The following CREB5 variants were observed in gnomAD, a reference collection of about 807,000 sequenced individuals.
CREB5 encodes cyclic AMP-responsive element-binding protein 5.
A neutral mutation model predicts 57.1 loss-of-function variants in CREB5; 19 were observed. That is an observed-to-expected ratio of 0.33 (90% confidence interval 0.23 to 0.49). The LOEUF is 0.49. CREB5 is among the 20% of genes least tolerant of loss of function. CREB5 has a pLI of 0.99. For missense variants in CREB5, 579 were observed against 671.6 expected, an observed-to-expected ratio of 0.86 and a Z score of 1.52; for synonymous variants, 238 against 238.3, an observed-to-expected ratio of 1.00 and a Z score of 0.01.
intron 4 of CREB5, among the ~76,000 whole-genome samples, chr7:28,511,003 G>A (rs1314232466): frequency 6.6e-6 from 1 of 151,968 alleles, no homozygotes; most frequent in Non-Finnish European, 1.5e-5. Context: ...CCCACCACAT[G>A]GCAGGCACTG....
intron 5 of CREB5, among the ~76,000 whole-genome samples, chr7:28,651,088 C>T (rs1011662625): frequency 6.6e-6 from 1 of 151,668 alleles, no homozygotes; most frequent in Non-Finnish European, 1.5e-5. Flanking sequence ...TTTGTTTTTA[C>T]TATTTTTTTT....
At chr7:28,627,107 G>C (rs779410579) in intron 5 of CREB5, among the ~76,000 whole-genome samples, 1 of 152,226 alleles carries the variant, frequency 6.6e-6, no homozygotes, top group African/African-American at 2.4e-5. Flanking sequence ...TTCTGCCAGG[G>C]TGTCTGGTTT....
chr7:28,335,871 G>A lies in CREB5; in HGVS notation c.-25+36430G>A, dbSNP rs118001648. On this transcript the variant is annotated intron_variant, in intron 1 of 9. Transcript: ENST00000396299. The stretch of plus-strand genomic sequence containing the variant: ...TATGGCTTTTATTATGTTATGTTCC[G>A]TCTATACCCAGTTTTTTGAAGGTTT... Among the ~76,000 whole-genome samples the A allele has an allele frequency of 3.8e-4, 58 of 151,838 alleles. 1 individual carries two copies. The highest frequency in any genetic ancestry group is 2.3e-3 in the East Asian group (12 of 5,180).
chr7:28,696,220 T>A (rs1801550217), intron 5 of CREB5, among the ~76,000 whole-genome samples: 6 of 151,654 alleles, frequency 4.0e-5, no homozygotes, highest in Admixed American at 3.9e-4. Context: ...TGAAAGGATG[T>A]TTCTAACTAA....
At chr7:28,783,500 T>C (rs1212853643) in intron 7 of CREB5, among the ~76,000 whole-genome samples, 10 of 152,198 alleles carry the variant, frequency 6.6e-5, no homozygotes, top group Admixed American at 6.5e-4. Flanking sequence ...ATAGTCTGAA[T>C]AAAAACAAAA....
At chr7:28,737,538 CGTAT>C (rs1317311195) in intron 7 of CREB5, among the ~76,000 whole-genome samples, 1,199 of 47,796 alleles carry the variant, frequency 0.025, 45 homozygotes, top group South Asian at 0.051. Context: ...TATATATATA[CGTAT>C]ATATATATAT....
At chr7:28,613,949 T>C (rs1797500869) in intron 5 of CREB5, among the ~76,000 whole-genome samples, 1 of 152,130 alleles carries the variant, frequency 6.6e-6, no homozygotes, top group Middle Eastern at 3.2e-3. Flanking sequence ...ATTTCAGTCT[T>C]TACTTATTTA....
At chr7:28,658,793 T>G (rs981035391) in intron 5 of CREB5, among the ~76,000 whole-genome samples, 1 of 151,320 alleles carries the variant, frequency 6.6e-6, no homozygotes, top group Non-Finnish European at 1.5e-5. Flanking sequence ...GCTGCACAAC[T>G]GGTGAAAACC....
intron 1 of CREB5, among the ~76,000 whole-genome samples, chr7:28,308,057 G>A (rs1311296685): frequency 6.6e-6 from 1 of 152,152 alleles, no homozygotes; most frequent in Non-Finnish European, 1.5e-5. Flanking sequence ...CCTGGTGCCT[G>A]GGCATCCTGG....
At chr7:28,574,475 G>A (rs1257652180) in intron 5 of CREB5, among the ~76,000 whole-genome samples, 2 of 152,146 alleles carry the variant, frequency 1.3e-5, no homozygotes, top group Non-Finnish European at 2.9e-5. Flanking sequence ...TGAGTAGATG[G>A]CTATAATCTT....
At chr7:28,752,648 G>A (rs1805051637) in intron 7 of CREB5, among the ~76,000 whole-genome samples, 1 of 152,146 alleles carries the variant, frequency 6.6e-6, no homozygotes, top group Admixed American at 6.5e-5. Flanking sequence ...ATTTTAAATA[G>A]CAATCTCAGT....
At chr7:28,419,274 C>G (rs1023436129) in intron 1 of CREB5, among the ~76,000 whole-genome samples, 33 of 152,236 alleles carry the variant, frequency 2.2e-4, no homozygotes, top group African/African-American at 8.0e-4. Context: ...GCAAGATAGA[C>G]TCTAGCCCTA....
At chr7:28,408,254 G>A (rs1045218876), upstream of CREB5, among the ~76,000 whole-genome samples, 14 of 152,194 alleles carry the variant, frequency 9.2e-5, no homozygotes, top group African/African-American at 3.4e-4. Context: ...TACCCGGGTT[G>A]GTGTGAGAAA....
chr7:28,552,861 T>G (rs1366597464), intron 4 of CREB5, among the ~76,000 whole-genome samples: 2 of 152,204 alleles, frequency 1.3e-5, no homozygotes, highest in Non-Finnish European at 2.9e-5. Context: ...TGGAAATGTT[T>G]CTTACACATT....
intron 1 of CREB5, among the ~76,000 whole-genome samples, chr7:28,386,016 C>T (rs1787093769): frequency 1.3e-5 from 2 of 152,152 alleles, no homozygotes; most frequent in South Asian, 4.2e-4. Context: ...ACTTTCCTCC[C>T]ATCTTACATA....
At chr7:28,763,329 C>A (rs759182990) in intron 7 of CREB5, among the ~76,000 whole-genome samples, 1 of 152,088 alleles carries the variant, frequency 6.6e-6, no homozygotes, top group Non-Finnish European at 1.5e-5. Flanking sequence ...TTTAGGACTG[C>A]CATACCTTCT....
At chr7:28,481,666 G>A (rs562415270) in intron 1 of CREB5, among the ~76,000 whole-genome samples, 7 of 152,274 alleles carry the variant, frequency 4.6e-5, no homozygotes, top group African/African-American at 1.4e-4. Flanking sequence ...ACTGCAGCCC[G>A]CTTCAAGAAT....
chr7:28,702,528 T>C (rs1801913611), intron 5 of CREB5, among the ~76,000 whole-genome samples: 1 of 152,214 alleles, frequency 6.6e-6, no homozygotes, highest in African/African-American at 2.4e-5. Flanking sequence ...TTTCCAACTA[T>C]GTTATGATGT....
At chr7:28,586,303 G>A (rs1234140635) in intron 5 of CREB5, among the ~76,000 whole-genome samples, 4 of 152,204 alleles carry the variant, frequency 2.6e-5, no homozygotes, top group Admixed American at 1.3e-4. Flanking sequence ...GAGGAGAAGG[G>A]GAGGAGGCAG....
Sources: allele counts gnomAD v4.1 joint callset (sites outside exome capture counted in the v4.1 genomes callset), GRCh38; gene constraint gnomAD v4.1.1; transcripts MANE v1.5; gene names NCBI Gene and HGNC (gene_info 2026-07-23, HGNC 2026-07-21).